Variants in TSEN2 observed in about 807,000 individuals in gnomAD.
TSEN2 encodes tRNA-splicing endonuclease subunit Sen2.
Under a neutral mutation model 59.2 loss-of-function variants are expected in TSEN2, and 54 were observed. The ratio of observed to expected loss-of-function variants is 0.91; its 90% CI spans 0.73 to 1.14. The LOEUF is 1.14. Ranked by LOEUF, TSEN2 falls within the 50% of genes most tolerant of loss-of-function variation. TSEN2 has a pLI of 0.00. For synonymous variants in TSEN2, 195 were observed against 198.2 expected, an observed-to-expected ratio of 0.98 and a Z score of 0.14; for missense variants, 636 against 576.2, an observed-to-expected ratio of 1.10 and a Z score of -1.06.
intron 8 of TSEN2, among the ~76,000 whole-genome samples, chr3:12,526,156 T>C (rs766495491): frequency 3.3e-5 from 5 of 151,846 alleles, no homozygotes; most frequent in Non-Finnish European, 7.4e-5. Flanking sequence ...CTGGGCAACA[T>C]AGGTAGACCA....
At chr3:12,517,420 C>G (rs1015726607) in intron 7 of TSEN2, among the ~76,000 whole-genome samples, 3 of 145,892 alleles carry the variant, frequency 2.1e-5, no homozygotes, top group Non-Finnish European at 4.5e-5. Flanking sequence ...AATAATGTAC[C>G]CAAAGTCACA....
chr3:12,493,382 G>C (rs990304650), intron 3 of TSEN2, among the ~76,000 whole-genome samples: 1 of 152,146 alleles, frequency 6.6e-6, no homozygotes, highest in East Asian at 1.9e-4. Context: ...ATTCCCACCA[G>C]CAATGCACCA....
At chr3:12,493,525 G>A (rs1321586998) in intron 3 of TSEN2, among the ~76,000 whole-genome samples, 4 of 152,138 alleles carry the variant, frequency 2.6e-5, no homozygotes, top group South Asian at 2.1e-4. Flanking sequence ...TCAGGAGTTC[G>A]AGACTAGCCT....
intron 1 of TSEN2, among the ~76,000 whole-genome samples, chr3:12,485,894 G>A (rs919677418): frequency 1.3e-5 from 2 of 152,046 alleles, no homozygotes; most frequent in Non-Finnish European, 2.9e-5. Flanking sequence ...ATCAGGTTCC[G>A]AATCTGTGGA....
In TSEN2 at chr3:12,503,373, T is replaced by A. The variant is rs2054494425; in HGVS notation, c.420T>A (p.Pro140=). 1 of 1,614,084 alleles carries A rather than the reference T, an allele frequency of 6.2e-7. No homozygotes were observed. Among genetic ancestry groups the A allele is most frequent in the Non-Finnish European group, 8.5e-7 (1 of 1,180,050 alleles). ...KDYTKPLEHP[P]VKRNEEAQVH... ...ACACGAAACCGCTTGAGCATCCTCC[T>A]GTGAAAAGGAATGAAGAGGCTCAAG... Residue 140 remains proline, a synonymous_variant, in exon 5 of 12, where the codon CCT becomes CCA. Coordinates refer to ENST00000284995, the MANE Select transcript of TSEN2 (RefSeq NM_025265.4).
intron 4 of TSEN2, 60 bp downstream of exon 4, chr3:12,496,614 G>A: frequency 6.3e-7 from 1 of 1,577,640 alleles, no homozygotes; most frequent in Non-Finnish European, 8.7e-7. Flanking sequence ...ATGTTTTTAG[G>A]TAGTCTTGTC....
At chr3:12,509,066 G>C (rs905359920) in intron 6 of TSEN2, among the ~76,000 whole-genome samples, 1 of 152,170 alleles carries the variant, frequency 6.6e-6, no homozygotes, top group African/African-American at 2.4e-5. Flanking sequence ...GCAAGATCCA[G>C]TGAGAAATAG....
intron 1 of TSEN2, among the ~76,000 whole-genome samples, chr3:12,486,888 A>G (rs897266380): frequency 9.9e-5 from 15 of 152,186 alleles, no homozygotes; most frequent in African/African-American, 3.6e-4. Flanking sequence ...TTCTATGGCT[A>G]AGTATTTGAT....
intron 2 of TSEN2, among the ~76,000 whole-genome samples, chr3:12,491,342 C>T (rs1164138330): frequency 6.6e-6 from 1 of 152,080 alleles, no homozygotes; most frequent in Non-Finnish European, 1.5e-5. Context: ...TTGTTTTATT[C>T]TTTCAATTTT....
At chr3:12,497,519 G>T (rs1337525825) in intron 4 of TSEN2, among the ~76,000 whole-genome samples, 1 of 152,164 alleles carries the variant, frequency 6.6e-6, no homozygotes, top group Non-Finnish European at 1.5e-5. Context: ...CTGGTGTGTG[G>T]GAGGGACCTG....
chr3:12,506,163 T>A lies in TSEN2; in HGVS notation c.909+932T>A, dbSNP rs184258220. Among the ~76,000 whole-genome samples the A allele has an allele frequency of 1.5e-3, 216 of 144,982 alleles. 3 individuals are homozygous for A. The highest frequency in any genetic ancestry group is 3.6e-3 in the Admixed American group (53 of 14,900). ...CCACTTAAAGAGTACAAGTCGCTAT[T>A]GTTTGGTATATTCATGGAGTCTCTA... On this transcript the variant is annotated intron_variant, in intron 6 of 11. Transcript: ENST00000284995.
chr3:12,537,004 CA>C (rs11285937), downstream of TSEN2, among the ~76,000 whole-genome samples: 70,830 of 138,126 alleles, frequency 0.51, 18,038 homozygotes, highest in African/African-American at 0.67. Flanking sequence ...AACTCCGTCT[CA>C]AAAAAAAAAA....
chr3:12,492,442 T>G (rs1191271650), intron 3 of TSEN2, among the ~76,000 whole-genome samples: 1 of 152,204 alleles, frequency 6.6e-6, no homozygotes, highest in Non-Finnish European at 1.5e-5. Flanking sequence ...GGCTTTTCTG[T>G]TGTTAAGTGT....
intron 1 of TSEN2, among the ~76,000 whole-genome samples, chr3:12,485,353 G>C (rs2052500201): frequency 6.6e-6 from 1 of 152,196 alleles, no homozygotes. Context: ...GGAAGAATAA[G>C]AAACAGACTC....
chr3:12,488,649 T>A (rs2052886506), intron 1 of TSEN2, among the ~76,000 whole-genome samples: 1 of 152,242 alleles, frequency 6.6e-6, no homozygotes, highest in African/African-American at 2.4e-5. Flanking sequence ...TTTGTCTCCT[T>A]GGATCCAATG....
intron 7 of TSEN2, among the ~76,000 whole-genome samples, chr3:12,517,012 T>C (rs1279999757): frequency 2.6e-5 from 4 of 152,194 alleles, no homozygotes; most frequent in African/African-American, 7.2e-5. Context: ...TTAGGTACTT[T>C]ACACGCAATA....
intron 11 of TSEN2, among the ~76,000 whole-genome samples, chr3:12,532,298 C>T (rs1486583135): frequency 1.3e-5 from 2 of 152,186 alleles, no homozygotes; most frequent in African/African-American, 4.8e-5. Flanking sequence ...ATAAAATGCT[C>T]ATCAACCTCA....
downstream of TSEN2, among the ~76,000 whole-genome samples, chr3:12,538,634 G>A (rs78567082): frequency 9.4e-3 from 1,428 of 152,290 alleles, 7 homozygotes; most frequent in Non-Finnish European, 0.015. Flanking sequence ...TGGGGAATAA[G>A]ATTAAGTGAA....
intron 6 of TSEN2, chr3:12,506,586 A>G (rs1282406577): frequency 4.5e-6 from 3 of 663,338 alleles, no homozygotes; most frequent in African/African-American, 2.0e-5. Flanking sequence ...TTCAAAAAAA[A>G]AAAAAAAAAG....
Sources: allele counts gnomAD v4.1 joint callset (sites outside exome capture counted in the v4.1 genomes callset), GRCh38; gene constraint gnomAD v4.1.1; transcripts MANE v1.5; gene names NCBI Gene and HGNC (gene_info 2026-07-23, HGNC 2026-07-21).